The following USP48 variants were observed in gnomAD, a reference collection of about 807,000 sequenced individuals.
USP48 encodes ubiquitin specific peptidase 48.
In USP48, 43 loss-of-function variants were observed where a neutral mutation model predicts 150.7. That is an observed-to-expected ratio of 0.29 (90% CI 0.22 to 0.37). The LOEUF (loss-of-function observed/expected upper bound fraction) is 0.37, where lower values mean the gene tolerates loss of function less well. USP48 is among the 10% of genes least tolerant of loss of function. The pLI is 1.00. For synonymous variants in USP48, 396 were observed against 425.9 expected (o/e 0.93, Z 0.86); for missense variants, 813 against 1,249.6 (o/e 0.65, Z 5.27).
intron 10 of USP48, 143 bp from the exon 11 acceptor site, chr1:21,728,862 C>A: frequency 9.9e-7 from 1 of 1,012,946 alleles, no homozygotes; most frequent in Non-Finnish European, 1.4e-6. Flanking sequence ...TAGAAACCTC[C>A]AAACTGAAGG....
chr1:21,704,251 T>G lies in USP48; in HGVS notation c.2515+11A>C, dbSNP rs770725000. Reference sequence around the variant, plus strand: ...TTAACTATAGAAACCGAAAGCAATATGAAAACTTACTGGGCTCAGAAATAT... The same window carrying G: ...TTAACTATAGAAACCGAAAGCAATAGGAAAACTTACTGGGCTCAGAAATAT... On this transcript the variant is annotated intron_variant, in intron 20 of 26. Coordinates refer to ENST00000308271, the MANE Select transcript of USP48 (RefSeq NM_032236.8). 3 of 1,607,896 alleles carry G rather than the reference T, an allele frequency of 1.9e-6. No homozygotes were observed. The South Asian group carries it at 3.3e-5, about 18-fold the overall frequency.
intron 9 of USP48, among the ~76,000 whole-genome samples, chr1:21,730,183 G>C (rs923166769): frequency 6.6e-6 from 1 of 152,144 alleles, no homozygotes; most frequent in Non-Finnish European, 1.5e-5. Context: ...GCTCATGCTT[G>C]TAATCATAGC....
intron 1 of USP48, among the ~76,000 whole-genome samples, chr1:21,779,945 T>C (rs1464518234): frequency 6.6e-6 from 1 of 152,190 alleles, no homozygotes; most frequent in African/African-American, 2.4e-5. Context: ...GATGAAGCAT[T>C]TGAACCCTCA....
At chr1:21,728,220 AAC>A (rs2097745095) in intron 11 of USP48, 2 of 1,017,932 alleles carry the variant, frequency 2.0e-6, no homozygotes, top group Non-Finnish European at 2.3e-6. Flanking sequence ...TATGCAAAGA[AAC>A]AGAACAGGCA....
At chr1:21,721,864 C>T (rs954855615) in intron 12 of USP48, 100 bp from the exon 13 acceptor site, 4 of 801,192 alleles carry the variant, frequency 5.0e-6, no homozygotes, top group Non-Finnish European at 7.3e-6. Flanking sequence ...ACATTCTAAA[C>T]CAAAGTCACA....
chr1:21,754,456 C>G (rs1324685907), intron 3 of USP48, among the ~76,000 whole-genome samples: 2 of 152,142 alleles, frequency 1.3e-5, no homozygotes, highest in East Asian at 3.9e-4. Flanking sequence ...ATATTGAGAG[C>G]CCAGAAGACA....
chr1:21,744,777 TAA>T (rs10699993), intron 8 of USP48, among the ~76,000 whole-genome samples: 10 of 59,546 alleles, frequency 1.7e-4, no homozygotes, highest in African/African-American at 5.6e-4. Flanking sequence ...ACTCTATCTC[TAA>T]AAAAAAAAAA....
intron 1 of USP48, among the ~76,000 whole-genome samples, chr1:21,760,490 C>T (rs940945570): frequency 9.2e-5 from 14 of 151,634 alleles, no homozygotes; most frequent in Non-Finnish European, 1.9e-4. Flanking sequence ...CCCAGGTGGG[C>T]GGATCACAAA....
chr1:21,776,484 G>T (rs114156854), intron 1 of USP48, among the ~76,000 whole-genome samples: 2,338 of 151,442 alleles, frequency 0.015, 24 homozygotes, highest in Middle Eastern at 0.031. Context: ...AGCAATTTAG[G>T]AGGCTGAGGA....
At position 21,782,809 on chromosome 1, in the gene USP48, GT is replaced by G; in HGVS notation, c.134+14del. On this transcript the variant is annotated intron_variant, in intron 1 of 26. Coordinates refer to ENST00000308271, the MANE Select transcript of USP48 (RefSeq NM_032236.8). ...CGGCGCGAGGAGCCCGCGAGGCGCG[GT>G]GCGCGGGCCTCACCTGCACACGCCG... is the stretch of plus-strand genomic sequence containing the variant. The G allele has an allele frequency of 6.6e-7, 1 of 1,517,690 alleles. No homozygotes were observed. Among genetic ancestry groups the G allele is most frequent in the South Asian group, 1.2e-5 (1 of 81,016 alleles). 94.0% of individuals were successfully genotyped at this position (1,517,690 alleles called of 1,614,324 possible).
intron 8 of USP48, among the ~76,000 whole-genome samples, chr1:21,740,509 A>G (rs1319632866): frequency 6.6e-6 from 1 of 152,220 alleles, no homozygotes; most frequent in East Asian, 1.9e-4. Flanking sequence ...ATAAGAAGCT[A>G]GCCCTCAAAA....
intron 1 of USP48, chr1:21,768,473 C>T (rs2097868804): frequency 6.6e-6 from 1 of 152,430 alleles, no homozygotes; most frequent in Non-Finnish European, 1.5e-5. Context: ...GAAACTAGAC[C>T]TCAACTGTGA....
chr1:21,687,761 G>A (rs545812331), intron 24 of USP48, among the ~76,000 whole-genome samples: 5 of 152,290 alleles, frequency 3.3e-5, no homozygotes, highest in Admixed American at 2.6e-4. Context: ...TGAAGCCAAT[G>A]ACCAGTACAG....
chr1:21,682,130 A>T (rs1329643987), intron 25 of USP48, among the ~76,000 whole-genome samples: 1 of 152,240 alleles, frequency 6.6e-6, no homozygotes, highest in Non-Finnish European at 1.5e-5. Flanking sequence ...GTATCATGGC[A>T]GACGGTGCAT....
chr1:21,761,321 C>T (rs1015038926), intron 1 of USP48, among the ~76,000 whole-genome samples: 1 of 149,224 alleles, frequency 6.7e-6, no homozygotes, highest in East Asian at 2.0e-4. Context: ...GACTCCCATA[C>T]TGAAGTGGCA....
At chr1:21,745,211 GAC>G (rs1411238477) in intron 8 of USP48, among the ~76,000 whole-genome samples, 2 of 152,066 alleles carry the variant, frequency 1.3e-5, no homozygotes, top group Non-Finnish European at 2.9e-5. Flanking sequence ...GCGTGTAAAA[GAC>G]AAGCCTATAA....
intron 8 of USP48, among the ~76,000 whole-genome samples, chr1:21,739,863 A>G (rs1167711446): frequency 6.6e-6 from 1 of 152,088 alleles, no homozygotes; most frequent in Non-Finnish European, 1.5e-5. Context: ...CTCTGTTTGT[A>G]CGTGTTTGAC....
At chr1:21,756,809 A>C in intron 2 of USP48, 107 bp from the exon 3 acceptor site, 1 of 1,501,714 alleles carries the variant, frequency 6.7e-7, no homozygotes, top group Admixed American at 2.3e-5. Flanking sequence ...AGACCGTCAC[A>C]ACCAACATGG....
Position 21,736,619 on chromosome 1 carries a change from G to A in USP48, c.998C>T (p.Ser333Phe). ...GACTGCGCTGAGTTCATACACGTAG[G>A]ACCCACCTGGAGAGAAAGGGAGAAA... ...MEPYVEHKGG[S>F]YVYELSAVLI... Residue 333 changes from serine (S) to phenylalanine (F), a missense_variant, in exon 9 of 27, where the codon TCC becomes TTC. Transcript: ENST00000308271. The A allele has an allele frequency of 7.0e-7, 1 of 1,425,754 alleles. No homozygotes were observed. Among genetic ancestry groups the A allele is most frequent in the Non-Finnish European group, 9.2e-7 (1 of 1,087,948 alleles). 88.3% of individuals were successfully genotyped at this position (1,425,754 alleles called of 1,614,324 possible). A position where few individuals can be genotyped will look rare whatever the true frequency, so the allele number is the denominator to read the frequency against.
Sources: gnomAD v4.1 joint callset for allele counts (sites outside exome capture counted in the v4.1 genomes callset) on GRCh38, gnomAD v4.1.1 for gene constraint, MANE v1.5 for transcripts, NCBI Gene and HGNC (gene_info 2026-07-23, HGNC 2026-07-21) for gene names.